The following AIFM1 variants were observed in gnomAD, a reference collection of about 807,000 sequenced individuals.
AIFM1 encodes apoptosis inducing factor mitochondria associated 1.
Under a neutral mutation model 51.7 loss-of-function variants are expected in AIFM1, and 3 were observed. The ratio of observed to expected loss-of-function variants is 0.06; its 90% confidence interval spans 0.03 to 0.15. AIFM1 has a LOEUF of 0.15. AIFM1 is among the 10% of genes least tolerant of loss of function. The probability of loss-of-function intolerance (pLI) is 1.00; values close to 1 mark genes in which losing one functional copy is unlikely to be tolerated. For synonymous variants in AIFM1, 178 were observed against 179.4 expected, an observed-to-expected ratio of 0.99 and a Z score of 0.06; for missense variants, 330 against 476.8, an observed-to-expected ratio of 0.69 and a Z score of 2.87.
intron 2 of AIFM1, among the ~76,000 whole-genome samples, chrX:130,150,782 C>T (rs2030939548): frequency 9.6e-6 from 1 of 104,409 alleles, no homozygotes; most frequent in Non-Finnish European, 2.0e-5. Context: ...TGAGACCAGC[C>T]TGGCCAACAT....
chrX:130,144,712 T>G (rs2124661134), intron 6 of AIFM1, among the ~76,000 whole-genome samples: 1 of 112,051 alleles, frequency 8.9e-6, no homozygotes, highest in East Asian at 2.8e-4. Flanking sequence ...ACTACACACC[T>G]ATGTGTTATG....
At chrX:130,134,403 A>G (rs1327578075) in intron 12 of AIFM1, among the ~76,000 whole-genome samples, 1 of 111,228 alleles carries the variant, frequency 9.0e-6, no homozygotes, top group Non-Finnish European at 1.9e-5. Context: ...CAGTTTTTGG[A>G]TGTGACTGCC....
chrX:130,129,611 C>T lies in AIFM1; in HGVS notation c.1788G>A (p.Glu596=). 8.3e-7 allele frequency: 1 copy of T among 1,209,570 alleles called. No homozygotes were observed. The highest frequency in any genetic ancestry group is 1.7e-5 in the African/African-American group (1 of 57,662). ...PIARKIIKDG[E]QHEDLNEVAK... ...CTACTTCATTGAGATCTTCATGCTG[C>T]TCACCGTCCTTAATGATCTGAGGGA... Residue 596 remains glutamate, a synonymous_variant, in exon 16 of 16, where the codon GAG becomes GAA. Transcript: ENST00000287295.
intron 1 of AIFM1, among the ~76,000 whole-genome samples, chrX:130,162,910 C>T (rs2031397468): frequency 8.9e-6 from 1 of 111,796 alleles, no homozygotes; most frequent in Non-Finnish European, 1.9e-5. Flanking sequence ...CTTCAATCAT[C>T]TCTGGAAGGA....
chrX:130,152,744 A>C (rs209536), intron 2 of AIFM1, among the ~76,000 whole-genome samples: 126 of 112,034 alleles, frequency 1.1e-3, no homozygotes, highest in Non-Finnish European at 2.0e-3. Flanking sequence ...AAAAACTCTC[A>C]CATCAATGCG....
At chrX:130,149,753 T>C (rs758450438) in intron 2 of AIFM1, among the ~76,000 whole-genome samples, 185 bp from the exon 3 acceptor site, 1 of 112,460 alleles carries the variant, frequency 8.9e-6, no homozygotes, top group East Asian at 2.8e-4. Flanking sequence ...ATGCTTGGTA[T>C]GGAAAAAATA....
intron 1 of AIFM1, among the ~76,000 whole-genome samples, chrX:130,161,305 G>A (rs2031340398): frequency 9.1e-6 from 1 of 110,123 alleles, no homozygotes; most frequent in South Asian, 3.9e-4. Flanking sequence ...GAGGTCAGGA[G>A]TTCGAGACCA....
In AIFM1 at chrX:130,132,735, G is replaced by C. The variant is rs927473171; in HGVS notation, c.1448+578C>G. ...ATCTTTTAGGACTGGAATGCTTTCT[G>C]ACACTCCTTTTTTTTTTTTTTTTTT... On this transcript the variant is annotated intron_variant, in intron 13 of 15. Transcript: ENST00000287295. Among the ~76,000 whole-genome samples, 343 of 99,296 alleles carry C rather than the reference G, an allele frequency of 3.5e-3. 3 individuals carry two copies. Among genetic ancestry groups the C allele is most frequent in the African/African-American group, 0.012 (329 of 26,524 alleles). 86.2% of individuals were successfully genotyped at this position (99,296 alleles called of 115,157 possible). A position where few individuals can be genotyped will look rare whatever the true frequency, so the allele number is the denominator to read the frequency against.
intron 1 of AIFM1, among the ~76,000 whole-genome samples, chrX:130,157,945 C>T (rs1485057946): frequency 1.2e-5 from 1 of 85,642 alleles, no homozygotes; most frequent in Non-Finnish European, 2.2e-5. Flanking sequence ...CAGAGTGAGA[C>T]TCCGTCTCAA....
intron 13 of AIFM1, among the ~76,000 whole-genome samples, chrX:130,132,543 C>G (rs756642487): frequency 8.9e-5 from 10 of 112,192 alleles, no homozygotes; most frequent in Non-Finnish European, 1.5e-4. Context: ...TTAGCCTCCA[C>G]TTTTCTTTTT....
Position 130,143,235 on chromosome X carries a change from T to C in AIFM1, c.696+2244A>G, listed in dbSNP as rs11796208. On this transcript the variant is annotated intron_variant, in intron 6 of 15. Coordinates refer to ENST00000287295, the MANE Select transcript of AIFM1 (RefSeq NM_004208.4). ...CATATGCAGATGATTCTCAGCTCTC[T>C]ATCTGAGCCCAAGTCCCCTGGGCGT... Among the ~76,000 whole-genome samples, 136 of 112,053 alleles carry C rather than the reference T, an allele frequency of 1.2e-3. 1 individual carries two copies. Among genetic ancestry groups the C allele is most frequent in the Non-Finnish European group, 2.2e-3 (116 of 53,200 alleles).
chrX:130,144,489 C>T lies in AIFM1; in HGVS notation c.696+990G>A, dbSNP rs1603226390. The stretch of plus-strand genomic sequence containing the variant: ...TCGAGCTGCTTCTATTTCCTGGCAC[C>T]AAACATGCTTTTTTGTGCCCTTGTG... On this transcript the variant is annotated intron_variant, in intron 6 of 15. Transcript: ENST00000287295. Among the ~76,000 whole-genome samples, 6 of 111,808 alleles carry T rather than the reference C, an allele frequency of 5.4e-5. No individual in the cohort carries two copies. The South Asian group carries it at 2.3e-3, about 42-fold the overall frequency.
Position 130,140,762 on chromosome X carries a change from T to C in AIFM1, c.697-145A>G, listed in dbSNP as rs754157248. On this transcript the variant is annotated intron_variant, in intron 6 of 15. Transcript: ENST00000287295. Reference sequence around the variant, plus strand: ...GTATATTCACAAGGTTGTGCCACCATCACCACTATCTGATTTCAGAACATT... The same window carrying C: ...GTATATTCACAAGGTTGTGCCACCACCACCACTATCTGATTTCAGAACATT... 7.9e-5 allele frequency: 40 copies of C among 506,830 alleles called. No individual in the cohort carries two copies. The South Asian group carries it at 1.0e-3, about 13-fold the overall frequency. 41.8% of individuals were successfully genotyped at this position (506,830 alleles called of 1,213,427 possible).
intron 13 of AIFM1, among the ~76,000 whole-genome samples, chrX:130,132,622 C>T (rs1260089190): frequency 2.7e-5 from 3 of 112,245 alleles, no homozygotes; most frequent in Non-Finnish European, 3.8e-5. Flanking sequence ...AGGTTGGTCT[C>T]GAACTTCTGG....
intron 1 of AIFM1, among the ~76,000 whole-genome samples, chrX:130,157,776 C>T (rs1022790200): frequency 1.0e-4 from 11 of 106,095 alleles, no homozygotes; most frequent in African/African-American, 3.8e-4. Context: ...ACCATCCTGG[C>T]CAACATGGTG....
chrX:130,148,608 C>T (rs188337), intron 3 of AIFM1, among the ~76,000 whole-genome samples: 52,211 of 108,956 alleles, frequency 0.48, 9,660 homozygotes, highest in African/African-American at 0.65. Context: ...CCGAAGCAGG[C>T]GGATCACCTG....
At chrX:130,153,242 C>A (rs930176232) in intron 2 of AIFM1, among the ~76,000 whole-genome samples, 1 of 104,290 alleles carries the variant, frequency 9.6e-6, no homozygotes, top group African/African-American at 3.5e-5. Context: ...CCCAGCTACT[C>A]CTCGGGAGGC....
rs763912966 is a variant in AIFM1, at chrX:130,147,843, G to T, written c.383C>A (p.Ala128Glu). 2 of 1,211,509 alleles carry T rather than the reference G, an allele frequency of 1.7e-6. No homozygotes were observed. The highest frequency in any genetic ancestry group is 3.5e-5 in the South Asian group (2 of 56,970). The change falls in exon 4 of 16, where the codon GCG (alanine) becomes GAG (glutamate). Residue 128 changes from alanine (A) to glutamate (E), a missense_variant. Around this residue, in one of 4 missense-constraint regions of AIFM1, gnomAD observed 110 missense variants for 103.1 expected, o/e 1.07. Transcript: ENST00000287295. ...TAGCAGGAAAGGAACATGACTTGGC[G>T]CCTTGTCTTGAGGAACTTCCTCTCC... ...SEGEEVPQDK[A>E]PSHVPFLLIG...
chrX:130,130,267 G>A (rs2030011488), intron 14 of AIFM1, 101 bp from the exon 15 acceptor site: 2 of 937,558 alleles, frequency 2.1e-6, no homozygotes, highest in South Asian at 2.0e-5. Flanking sequence ...TTCGAGGCCT[G>A]CTTCAAGCTA....
Sources: gnomAD v4.1 joint callset for allele counts (sites outside exome capture counted in the v4.1 genomes callset) on GRCh38, gnomAD v4.1.1 for gene constraint, gnomAD v4.1.1 regional missense constraint, MANE v1.5 for transcripts, NCBI Gene and HGNC (gene_info 2026-07-23, HGNC 2026-07-21) for gene names.